LRMDA: variants seen among roughly 807,000 people sequenced by gnomAD.
The protein encoded by LRMDA is leucine rich melanocyte differentiation associated, also known as leucine-rich melanocyte differentiation-associated protein.
In LRMDA, 18 loss-of-function variants were observed where a neutral mutation model predicts 29.8. The observed-to-expected ratio is 0.60, with a 90% CI of 0.42 to 0.90. LRMDA has a LOEUF of 0.90. Ranked by LOEUF, LRMDA falls within the 40% of genes least tolerant of loss-of-function variation. The pLI, the probability that LRMDA is intolerant of heterozygous loss-of-function variation, is 0.00. For synonymous variants in LRMDA, 125 were observed against 109.4 expected, an observed-to-expected ratio of 1.14 and a Z score of -0.89; for missense variants, 273 against 273.9, an observed-to-expected ratio of 1.00 and a Z score of 0.02.
rs535484177 is a variant in LRMDA at position 75,577,673 on chromosome 10, C to G, written c.131+139179C>G. On this transcript the variant is annotated intron_variant, in intron 2 of 6. Coordinates refer to ENST00000611255, the MANE Select transcript of LRMDA (RefSeq NM_001305581.2). Reference sequence around the variant, plus strand: ...GTTACCCACAAAGGGAAGCCTATCACACTAACAGCAGATCTCTCAGCGGAA... The same window carrying G: ...GTTACCCACAAAGGGAAGCCTATCAGACTAACAGCAGATCTCTCAGCGGAA... Among the ~76,000 whole-genome samples, 58 of 152,282 alleles carry G rather than the reference C, an allele frequency of 3.8e-4. No individual in the cohort carries two copies. In the South Asian group the frequency reaches 8.7e-3, roughly 23 times the overall value.
chr10:75,954,797 A>G (rs1266485680), intron 2 of LRMDA, among the ~76,000 whole-genome samples: 4 of 152,234 alleles, frequency 2.6e-5, no homozygotes, highest in Non-Finnish European at 5.9e-5. Flanking sequence ...AGAGAAGATG[A>G]TATTTTGTGT....
intron 2 of LRMDA, among the ~76,000 whole-genome samples, chr10:76,003,373 C>G (rs1252310418): frequency 6.6e-6 from 1 of 151,610 alleles, no homozygotes; most frequent in Non-Finnish European, 1.5e-5. Flanking sequence ...GGCCCACCCT[C>G]TCTCTCTACC....
intron 2 of LRMDA, among the ~76,000 whole-genome samples, chr10:76,032,085 G>T (rs1032363309): frequency 1.3e-5 from 2 of 152,202 alleles, no homozygotes; most frequent in Non-Finnish European, 2.9e-5. Flanking sequence ...TGGGCAAGGG[G>T]CAGGGAGGAA....
chr10:75,622,361 T>C (rs1468735619), intron 2 of LRMDA, among the ~76,000 whole-genome samples: 1 of 152,100 alleles, frequency 6.6e-6, no homozygotes, highest in East Asian at 1.9e-4. Flanking sequence ...CAGATGTCCA[T>C]GTGCACAAAA....
chr10:76,250,942 C>T (rs1425817487), intron 5 of LRMDA, among the ~76,000 whole-genome samples: 1 of 152,132 alleles, frequency 6.6e-6, no homozygotes, highest in African/African-American at 2.4e-5. Flanking sequence ...CATATTTAGT[C>T]TTGTGCCTGG....
chr10:76,195,327 C>T (rs1865639), intron 5 of LRMDA, among the ~76,000 whole-genome samples: 1 of 152,154 alleles, frequency 6.6e-6, no homozygotes, highest in African/African-American at 2.4e-5. Context: ...TTGAAAGTCA[C>T]AGAGCTATTA....
chr10:76,476,387 C>T (rs1842671588), intron 6 of LRMDA, among the ~76,000 whole-genome samples: 1 of 152,072 alleles, frequency 6.6e-6, no homozygotes, highest in African/African-American at 2.4e-5. Context: ...AAAACAGGCT[C>T]TGAAATTGAG....
chr10:76,223,980 C>T (rs1448851690), intron 5 of LRMDA, among the ~76,000 whole-genome samples: 2 of 152,142 alleles, frequency 1.3e-5, no homozygotes, highest in Admixed American at 6.5e-5. Flanking sequence ...GATCAGCTAC[C>T]TGCCAACCAT....
At chr10:76,005,588 G>C (rs1165973252) in intron 2 of LRMDA, among the ~76,000 whole-genome samples, 1 of 152,026 alleles carries the variant, frequency 6.6e-6, no homozygotes, top group Non-Finnish European at 1.5e-5. Context: ...ACTCCAGCCT[G>C]GGTAACAGAG....
chr10:75,468,793 C>T (rs1025778240), intron 2 of LRMDA, among the ~76,000 whole-genome samples: 4 of 151,866 alleles, frequency 2.6e-5, no homozygotes, highest in Non-Finnish European at 5.9e-5. Flanking sequence ...TAGTCCATGG[C>T]GGCCGTCCAG....
intron 2 of LRMDA, among the ~76,000 whole-genome samples, chr10:75,773,412 G>A (rs1288052763): frequency 6.6e-6 from 1 of 152,176 alleles, no homozygotes; most frequent in Non-Finnish European, 1.5e-5. Flanking sequence ...GGAAGTTTGT[G>A]ACTCATGGTG....
At chr10:76,222,938 A>G (rs558434884) in intron 5 of LRMDA, among the ~76,000 whole-genome samples, 1,771 of 152,294 alleles carry the variant, frequency 0.012, 42 homozygotes, top group African/African-American at 0.038. Context: ...ATGCAGCCAT[A>G]AAAAATGATG....
intron 6 of LRMDA, among the ~76,000 whole-genome samples, chr10:76,428,928 TC>T (rs2132280903): frequency 6.6e-6 from 1 of 152,208 alleles, no homozygotes; most frequent in East Asian, 1.9e-4. Flanking sequence ...CCAATTTGTA[TC>T]CATTTGCCTT....
chr10:75,833,568 A>G (rs569337433), intron 2 of LRMDA, among the ~76,000 whole-genome samples: 18 of 152,194 alleles, frequency 1.2e-4, no homozygotes, highest in Non-Finnish European at 1.8e-4. Context: ...CATCAATCCT[A>G]CGTGAAGTAT....
At chr10:76,235,502 A>G (rs1038411831) in intron 5 of LRMDA, among the ~76,000 whole-genome samples, 3 of 152,122 alleles carry the variant, frequency 2.0e-5, no homozygotes, top group African/African-American at 7.2e-5. Flanking sequence ...GTATCTGTGA[A>G]GTGCAGTGGA....
At chr10:75,470,484 G>T (rs941687048) in intron 2 of LRMDA, among the ~76,000 whole-genome samples, 1 of 152,186 alleles carries the variant, frequency 6.6e-6, no homozygotes, top group Admixed American at 6.5e-5. Flanking sequence ...GAGACACAGC[G>T]AGACTCAGTC....
chr10:76,161,070 A>T (rs1222912927), intron 5 of LRMDA, among the ~76,000 whole-genome samples: 2 of 152,144 alleles, frequency 1.3e-5, no homozygotes, highest in East Asian at 3.9e-4. Context: ...TAAACGAGAG[A>T]TAACTGAGAT....
In LRMDA at chr10:76,210,904, A is replaced by G. The variant is rs79599840; in HGVS notation, c.517-113497A>G. ...GATAAGGTTCTGCTTTAATTTATTT[A>G]TTGGATGTCTAAGAGTTTTATTCTA... On this transcript the variant is annotated intron_variant, in intron 5 of 6. Coordinates refer to ENST00000611255, the MANE Select transcript of LRMDA (RefSeq NM_001305581.2). Among the ~76,000 whole-genome samples the G allele has an allele frequency of 1.1e-3, 169 of 152,288 alleles. 3 individuals carry two copies. The East Asian group carries it at 0.031, about 28-fold the overall frequency.
chr10:75,860,613 C>T (rs1386280252), intron 2 of LRMDA, among the ~76,000 whole-genome samples: 1 of 152,190 alleles, frequency 6.6e-6, no homozygotes, highest in Non-Finnish European at 1.5e-5. Flanking sequence ...TGAGCCACCA[C>T]ACCTGGCACA....
Sources: gnomAD v4.1 joint callset for allele counts (sites outside exome capture counted in the v4.1 genomes callset) on GRCh38, gnomAD v4.1.1 for gene constraint, MANE v1.5 for transcripts, NCBI Gene and HGNC (gene_info 2026-07-23, HGNC 2026-07-21) for gene names.